The following MUC6 variants were observed in gnomAD, a reference collection of about 807,000 sequenced individuals.
The protein encoded by MUC6 is mucin-6.
A neutral mutation model predicts 201.5 loss-of-function variants in MUC6; 188 were observed. That is an observed-to-expected ratio of 0.93 (90% CI 0.83 to 1.05). MUC6 has a LOEUF of 1.05. Among genes scored for constraint, MUC6 ranks in the 50% least tolerant of loss-of-function variants. MUC6 has a pLI of 0.00. For synonymous variants in MUC6, 1,228 were observed against 1,389.4 expected (o/e 0.88, Z 2.58); for missense variants, 2,706 against 3,256.9 (o/e 0.83, Z 4.12).
In MUC6 at chr11:1,024,065, G is replaced by A. The variant is rs370450681; in HGVS notation, c.3264C>T (p.Asp1088=). ...CCCCGCCACTGTCACACCCACATGC[G>A]TCGCGCACGCAGGCCTCGTAGTAGG... ...HLPYYEACVR[D]ACGCDSGGDC... The change falls in exon 25 of 33, where the codon GAC becomes GAT. Residue 1088 remains aspartate (D), a synonymous_variant. Coordinates refer to ENST00000421673, the MANE Select transcript of MUC6 (RefSeq NM_005961.3). 322 of 1,613,094 alleles carry A rather than the reference G, an allele frequency of 2.0e-4. No individual in the cohort carries two copies. The highest frequency in any genetic ancestry group is 1.3e-3 in the Middle Eastern group (8 of 6,062).
Position 1,013,868 on chromosome 11 carries a change from C to T in MUC6, c.7142+31G>A, listed in dbSNP as rs372062436. ...GTGGGGTTGTGAGCACCTTGGTGGACGTGGGGCAGGCCTCCCACCTGTGGA... is the reference window on the plus strand; with the variant it reads ...GTGGGGTTGTGAGCACCTTGGTGGATGTGGGGCAGGCCTCCCACCTGTGGA... On this transcript the variant is annotated intron_variant, in intron 32 of 32. Coordinates refer to ENST00000421673, the MANE Select transcript of MUC6 (RefSeq NM_005961.3). 1.5e-3 allele frequency: 2,402 copies of T among 1,575,768 alleles called. 3 individuals carry two copies. The highest frequency in any genetic ancestry group is 1.9e-3 in the Non-Finnish European group (2,259 of 1,162,430).
At chr11:1,028,421 C>T (rs1455394763) in intron 13 of MUC6, 34 bp from the exon 14 acceptor site, 6 of 1,605,524 alleles carry the variant, frequency 3.7e-6, no homozygotes, top group Admixed American at 1.7e-5. Context: ...GACTTGAACC[C>T]ATCCCTCCTG....
Position 1,033,985 on chromosome 11 carries a change from G to A in MUC6, c.53-910C>T, listed in dbSNP as rs1857165524. Reference sequence around the variant, plus strand: ...GATGTAGCTCAGAGATCCCATTCCTGCCACTCCTCACCTGTGCTCTCACCC... The same window carrying A: ...GATGTAGCTCAGAGATCCCATTCCTACCACTCCTCACCTGTGCTCTCACCC... On this transcript the variant is annotated intron_variant, in intron 1 of 32. Coordinates refer to ENST00000421673, the MANE Select transcript of MUC6 (RefSeq NM_005961.3). The surrounding 1 kb of genome is among the most constrained non-coding windows in gnomAD (Gnocchi z 5.6). Among the ~76,000 whole-genome samples the A allele has an allele frequency of 6.6e-6, 1 of 152,140 alleles. No individual in the cohort carries two copies. The highest frequency in any genetic ancestry group is 2.4e-5 in the African/African-American group (1 of 41,440).
chr11:1,023,783 C>A, intron 25 of MUC6, 131 bp from the exon 26 acceptor site: 1 of 1,459,448 alleles, frequency 6.9e-7, no homozygotes, highest in South Asian at 1.4e-5. Context: ...GTGAAGCCTC[C>A]CCTGGGCAGC....
intron 4 of MUC6, 45 bp from the exon 5 acceptor site, chr11:1,031,304 C>T: frequency 3.3e-6 from 5 of 1,526,754 alleles, no homozygotes; most frequent in African/African-American, 1.4e-5. Context: ...CAGGGGCCCC[C>T]TCATCTGCTG....
intron 31 of MUC6, 125 bp from the exon 32 acceptor site, chr11:1,014,126 C>G (rs1856546967): frequency 2.7e-6 from 2 of 743,772 alleles, no homozygotes; most frequent in Non-Finnish European, 4.4e-6. Context: ...TGTGGTCTCC[C>G]CTTGTGGAGC....
intron 30 of MUC6, 83 bp from the exon 31 acceptor site, chr11:1,018,853 G>T: frequency 6.7e-7 from 1 of 1,492,014 alleles, no homozygotes; most frequent in South Asian, 1.4e-5. Context: ...TTGTCTATGT[G>T]ACCTTTTTCT....
At position 1,028,331 on chromosome 11, in the gene MUC6, T is replaced by C. The variant is rs1857016720; in HGVS notation, c.1648A>G (p.Ile550Val). The part of the protein sequence containing the change: ...TTDDFTTSMG[I>V]AEGTASLFVD... Reference sequence around the variant, plus strand: ...AACAGCGAGGCGGTGCCCTCGGCGATACCCATGCTAGTGGTGAAGTCATCC... The same window carrying C: ...AACAGCGAGGCGGTGCCCTCGGCGACACCCATGCTAGTGGTGAAGTCATCC... The change falls in exon 14 of 33, where the codon ATC becomes GTC. Residue 550 changes from isoleucine (I) to valine (V), a missense_variant. By Grantham distance (29) the Ile-to-Val change is conservative. Around this residue, in one of 10 missense-constraint regions of MUC6, gnomAD observed 1,850 missense variants for 1,958.3 expected, o/e 0.94. Coordinates refer to ENST00000421673, the MANE Select transcript of MUC6 (RefSeq NM_005961.3). 1.2e-6 allele frequency: 2 copies of C among 1,612,494 alleles called. No individual in the cohort carries two copies. The highest frequency in any genetic ancestry group is 2.7e-5 in the African/African-American group (2 of 74,922).
In MUC6 at chr11:1,028,288, G is replaced by A. The variant is rs1460853025; in HGVS notation, c.1691C>T (p.Ala564Val). 3.7e-6 allele frequency: 6 copies of A among 1,606,994 alleles called. No individual in the cohort carries two copies. Among genetic ancestry groups the A allele is most frequent in the Middle Eastern group, 1.6e-4 (1 of 6,078 alleles). ...CTCCAGAGCGGCCGGACAGTTCCCC[G>A]CCCGCCAGGAGTCCACAAACAGCGA... ...TASLFVDSWR[A>V]GNCPAALERE... The change falls in exon 14 of 33, where the codon GCG (alanine) becomes GTG (valine). Residue 564 changes from alanine to valine, a missense_variant. Ala to Val is a moderately conservative substitution (Grantham distance 64). Coordinates refer to ENST00000421673, the MANE Select transcript of MUC6 (RefSeq NM_005961.3).
At chr11:1,029,398 G>C in intron 9 of MUC6, 32 bp from the exon 10 acceptor site, 1 of 1,593,750 alleles carries the variant, frequency 6.3e-7, no homozygotes, top group Non-Finnish European at 8.5e-7. Context: ...GCGGCATGGT[G>C]GGCAGGGCCG....
intron 2 of MUC6, 107 bp from the exon 3 acceptor site, chr11:1,032,160 G>T: frequency 3.5e-6 from 5 of 1,445,296 alleles, no homozygotes; most frequent in Non-Finnish European, 4.6e-6. Context: ...GGGTTTTTGA[G>T]TTGGGGCCAG....
At chr11:1,032,721 T>G (rs1857136969) in intron 2 of MUC6, among the ~76,000 whole-genome samples, 1 of 149,268 alleles carries the variant, frequency 6.7e-6, no homozygotes, top group South Asian at 2.2e-4. Flanking sequence ...TTGTGTGTGT[T>G]GGGTGTGTGT....
chr11:1,015,195 G>A (rs1303310840), intron 31 of MUC6, among the ~76,000 whole-genome samples: 1 of 141,074 alleles, frequency 7.1e-6, no homozygotes, highest in Non-Finnish European at 1.5e-5. Flanking sequence ...GGGAGCAGTG[G>A]ACTCGCTCAC....
Position 1,028,986 on chromosome 11 carries a change from G to T in MUC6, c.1381-25C>A, listed in dbSNP as rs751164807. The T allele has an allele frequency of 3.7e-6, 6 of 1,613,062 alleles. No homozygotes were observed. The East Asian group carries it at 1.3e-4, about 36-fold the overall frequency. ...CCTGGAGAGAGGGTGGCCTGAGTCAGGGTGCAGGCACCAGGGAGCGGAGCC... is the reference window on the plus strand; with the variant it reads ...CCTGGAGAGAGGGTGGCCTGAGTCATGGTGCAGGCACCAGGGAGCGGAGCC... On this transcript the variant is annotated intron_variant, in intron 11 of 32. Transcript: ENST00000421673.
At chr11:1,027,544 T>C (rs746285772) in intron 16 of MUC6, 27 bp from the exon 17 acceptor site, 1 of 1,608,310 alleles carries the variant, frequency 6.2e-7, no homozygotes, top group Non-Finnish European at 8.5e-7. Context: ...CATCAGACTC[T>C]CCGGGAGGGG....
chr11:1,020,038 C>T, intron 29 of MUC6, 52 bp downstream of exon 29: 2 of 1,587,276 alleles, frequency 1.3e-6, no homozygotes, highest in African/African-American at 1.3e-5. Context: ...AGAGGTGTAC[C>T]TAGGACCTCC....
Position 1,013,207 on chromosome 11 carries a change from G to A in MUC6, c.*249C>T. On this transcript the variant is annotated 3_prime_UTR_variant, in exon 33 of 33. Transcript: ENST00000421673. ...TCGGGAGTGCCCTGTGTGCCTGGGAGGTCCGTGACCACTGTCCGCCTCAGT... is the reference window on the plus strand; with the variant it reads ...TCGGGAGTGCCCTGTGTGCCTGGGAAGTCCGTGACCACTGTCCGCCTCAGT... The A allele has an allele frequency of 3.7e-6, 2 of 546,092 alleles. No homozygotes were observed. Among genetic ancestry groups the A allele is most frequent in the Non-Finnish European group, 6.4e-6 (2 of 311,274 alleles). The allele number at this position is 546,092 out of a possible 1,614,324, so 33.8% of individuals were successfully genotyped here.
In MUC6 at chr11:1,013,641, GAAGTC is replaced by G. The variant is rs1214380689; in HGVS notation, c.7143-13_7143-9del. 1.9e-6 allele frequency: 3 copies of G among 1,557,212 alleles called. No homozygotes were observed. Among genetic ancestry groups the G allele is most frequent in the South Asian group, 2.4e-5 (2 of 84,460 alleles). On this transcript the variant is annotated splice_polypyrimidine_tract_variant and intron_variant, in intron 32 of 32. Coordinates refer to ENST00000421673, the MANE Select transcript of MUC6 (RefSeq NM_005961.3). The stretch of plus-strand genomic sequence containing the variant: ...TGGGTGATGATGTTGAAGCTGCCGA[GAAGTC>G]AAGACAGAGCAGGGTCATGACTGCT...
Position 1,016,398 on chromosome 11 carries a change from G to A in MUC6, c.6403C>T (p.Pro2135Ser), listed in dbSNP as rs1470284772. 2.5e-6 allele frequency: 4 copies of A among 1,613,430 alleles called. No homozygotes were observed. Among genetic ancestry groups the A allele is most frequent in the South Asian group, 2.2e-5 (2 of 91,054 alleles). The change falls in exon 31 of 33, where the codon CCT becomes TCT. Residue 2135 changes from proline to serine, a missense_variant. Pro to Ser is a moderately conservative substitution (Grantham distance 74). Around this residue, in one of 10 missense-constraint regions of MUC6, gnomAD observed 586 missense variants for 488.0 expected, o/e 1.20. Transcript: ENST00000421673. ...GAAGAAACAGTAGAGGGGGCAGAAG[G>A]ACTGGGAGAAAATGAGGAGGACAGC... Reference protein sequence around the residue: ...NQLSSSFSPSPSAPSTVSSYV... With the variant: ...NQLSSSFSPSSSAPSTVSSYV...
Sources: allele counts gnomAD v4.1 joint callset (sites outside exome capture counted in the v4.1 genomes callset), GRCh38; gene constraint gnomAD v4.1.1; regional missense constraint gnomAD v4.1.1; non-coding constraint Gnocchi (gnomAD v3.1); transcripts MANE v1.5; gene names NCBI Gene and HGNC (gene_info 2026-07-23, HGNC 2026-07-21).